The following ARHGAP10 variants were observed in gnomAD, a reference collection of about 807,000 sequenced individuals.
ARHGAP10 encodes the protein rho GTPase-activating protein 10.
Under a neutral mutation model 108.6 loss-of-function variants are expected in ARHGAP10, and 87 were observed. That is an observed-to-expected ratio of 0.80 (90% confidence interval 0.67 to 0.96). The LOEUF (loss-of-function observed/expected upper bound fraction) is 0.96. Among genes scored for constraint, ARHGAP10 ranks in the 40% least tolerant of loss-of-function variants. ARHGAP10 has a pLI of 0.00. For missense variants in ARHGAP10, 939 were observed against 954.5 expected, an observed-to-expected ratio of 0.98 and a Z score of 0.21; for synonymous variants, 347 against 341.1, an observed-to-expected ratio of 1.02 and a Z score of -0.19.
At chr4:147,949,281 T>C (rs1430079089) in intron 15 of ARHGAP10, among the ~76,000 whole-genome samples, 1 of 152,240 alleles carries the variant, frequency 6.6e-6, no homozygotes, top group East Asian at 1.9e-4. Flanking sequence ...ATGAGGATTA[T>C]GGTAAAAATG....
chr4:148,020,215 C>G (rs2149661519), intron 18 of ARHGAP10, among the ~76,000 whole-genome samples: 3 of 152,208 alleles, frequency 2.0e-5, no homozygotes, highest in Middle Eastern at 6.8e-3. Context: ...TATTTTATAC[C>G]TCAGGGCTTG....
At chr4:147,972,188 G>A (rs1187126041) in intron 18 of ARHGAP10, among the ~76,000 whole-genome samples, 1 of 152,130 alleles carries the variant, frequency 6.6e-6, no homozygotes, top group Admixed American at 6.5e-5. Flanking sequence ...GTAAGGTATA[G>A]TTAAAGACAT....
At chr4:147,881,080 C>A (rs1254314717) in intron 9 of ARHGAP10, among the ~76,000 whole-genome samples, 1 of 151,412 alleles carries the variant, frequency 6.6e-6, no homozygotes, top group Non-Finnish European at 1.5e-5. Flanking sequence ...TTGAGACTGG[C>A]CTGGCCAACA....
chr4:147,845,838 C>T (rs1733608042), intron 3 of ARHGAP10, among the ~76,000 whole-genome samples: 1 of 152,178 alleles, frequency 6.6e-6, no homozygotes, highest in South Asian at 2.1e-4. Flanking sequence ...CTTCTTGTAT[C>T]TGTACTCTCA....
rs1161705854 is a variant in ARHGAP10 at position 148,040,822 on chromosome 4, G to T, written c.1868-6070G>T. Among the ~76,000 whole-genome samples, 9 of 152,052 alleles carry T rather than the reference G, an allele frequency of 5.9e-5. No individual in the cohort carries two copies. In the South Asian group the frequency reaches 1.0e-3, roughly 18 times the overall value. Reference sequence around the variant, plus strand: ...ATTTATTAAAAAAGATTTGGGGGGGGTTATTTGGTGTATGTGTGAGGGAGA... The same window carrying T: ...ATTTATTAAAAAAGATTTGGGGGGGTTTATTTGGTGTATGTGTGAGGGAGA... On this transcript the variant is annotated intron_variant, in intron 19 of 22. Transcript: ENST00000336498.
intron 13 of ARHGAP10, among the ~76,000 whole-genome samples, chr4:147,924,291 G>A (rs1166685756): frequency 1.3e-5 from 2 of 152,098 alleles, no homozygotes; most frequent in Non-Finnish European, 2.9e-5. Flanking sequence ...ATGTGGTTTA[G>A]GGTTTGGTTT....
chr4:148,062,733 C>T (rs528273188), intron 20 of ARHGAP10, among the ~76,000 whole-genome samples: 1 of 152,158 alleles, frequency 6.6e-6, no homozygotes, highest in South Asian at 2.1e-4. Flanking sequence ...GGTGAAAGAT[C>T]TTTAAATGTT....
chr4:147,974,706 A>T (rs1739528191), intron 18 of ARHGAP10, among the ~76,000 whole-genome samples: 1 of 152,208 alleles, frequency 6.6e-6, no homozygotes, highest in African/African-American at 2.4e-5. Flanking sequence ...ACTAGCCTGT[A>T]TTAGTCTGTT....
At chr4:147,936,485 TGCCCG>T (rs1737945670) in intron 13 of ARHGAP10, among the ~76,000 whole-genome samples, 1 of 151,504 alleles carries the variant, frequency 6.6e-6, no homozygotes, top group African/African-American at 2.4e-5. Flanking sequence ...CCCGCCACCG[TGCCCG>T]GCTAATTTTT....
intron 15 of ARHGAP10, 46 bp downstream of exon 15, chr4:147,946,750 C>A: frequency 2.1e-6 from 3 of 1,437,462 alleles, no homozygotes; most frequent in Non-Finnish European, 2.8e-6. Flanking sequence ...CTATTTGGAT[C>A]TGTAACATAA....
chr4:147,915,752 A>G (rs1458550039), intron 13 of ARHGAP10, among the ~76,000 whole-genome samples: 1 of 152,126 alleles, frequency 6.6e-6, no homozygotes, highest in African/African-American at 2.4e-5. Context: ...TTTTGCTTTC[A>G]GTGGAGTAAT....
At chr4:148,071,270 A>T (rs1242180086) in intron 22 of ARHGAP10, among the ~76,000 whole-genome samples, 1 of 152,196 alleles carries the variant, frequency 6.6e-6, no homozygotes, top group Non-Finnish European at 1.5e-5. Flanking sequence ...GAGCTCCTGG[A>T]GGGGCGGCTG....
chr4:147,901,442 TTTGAG>T (rs1736235433), intron 10 of ARHGAP10, among the ~76,000 whole-genome samples: 1 of 152,216 alleles, frequency 6.6e-6, no homozygotes, highest in Admixed American at 6.5e-5. Flanking sequence ...GTGGAACTGT[TTTGAG>T]TTATCATTAC....
intron 1 of ARHGAP10, among the ~76,000 whole-genome samples, chr4:147,770,208 C>G (rs985597360): frequency 6.6e-6 from 1 of 152,148 alleles, no homozygotes; most frequent in Non-Finnish European, 1.5e-5. Context: ...CTTGCTGATA[C>G]AGTAGTATTT....
Position 148,023,390 on chromosome 4 carries a change from A to G in ARHGAP10, c.1844A>G (p.Asn615Ser), listed in dbSNP as rs150306219. 23 of 1,613,706 alleles carry G rather than the reference A, an allele frequency of 1.4e-5. No homozygotes were observed. The highest frequency in any genetic ancestry group is 1.7e-5 in the Admixed American group (1 of 59,982). ...ACCAAGAGGCCCGTGGCCGTCTACA[A>G]TCTTTGTCTGGAGCTGGAAGATGGT... is the stretch of plus-strand genomic sequence containing the variant. ...QRTKRPVAVY[N>S]LCLELEDGDN... is the part of the protein sequence containing the mutation. Residue 615 changes from asparagine to serine, a missense_variant, in exon 19 of 23, where the codon AAT becomes AGT. Coordinates refer to ENST00000336498, the MANE Select transcript of ARHGAP10 (RefSeq NM_024605.4).
At chr4:147,925,878 A>G (rs1737442634) in intron 13 of ARHGAP10, among the ~76,000 whole-genome samples, 3 of 152,198 alleles carry the variant, frequency 2.0e-5, no homozygotes, top group African/African-American at 7.2e-5. Context: ...TATGGATGAT[A>G]CAGTTGGTTG....
intron 4 of ARHGAP10, among the ~76,000 whole-genome samples, chr4:147,850,020 G>A (rs1733797057): frequency 2.6e-5 from 4 of 152,132 alleles, no homozygotes; most frequent in African/African-American, 7.2e-5. Flanking sequence ...ACCAATCAGC[G>A]CTCTGTATCT....
chr4:147,739,371 G>A (rs564174690), intron 1 of ARHGAP10, among the ~76,000 whole-genome samples: 1 of 152,240 alleles, frequency 6.6e-6, no homozygotes, highest in Non-Finnish European at 1.5e-5. Flanking sequence ...TCAGCAGCAG[G>A]CCTTTCCTCC....
At chr4:148,008,822 T>C (rs943722151) in intron 18 of ARHGAP10, among the ~76,000 whole-genome samples, 8 of 152,072 alleles carry the variant, frequency 5.3e-5, no homozygotes, top group African/African-American at 1.9e-4. Context: ...TGTGGTGTTT[T>C]CCAGAGGCGA....
Sources: allele counts gnomAD v4.1 joint callset (sites outside exome capture counted in the v4.1 genomes callset), GRCh38; gene constraint gnomAD v4.1.1; transcripts MANE v1.5; gene names NCBI Gene and HGNC (gene_info 2026-07-23, HGNC 2026-07-21).